Variants in AFF3 observed in about 807,000 individuals in gnomAD.
AFF3 encodes ALF transcription elongation factor 3.
Under a neutral mutation model 129.7 loss-of-function variants are expected in AFF3, and 32 were observed. The observed-to-expected ratio is 0.25, with a 90% CI of 0.19 to 0.33. The LOEUF is 0.33. Ranked by LOEUF, AFF3 falls within the 10% of genes least tolerant of loss-of-function variation. The pLI is 1.00. For missense variants in AFF3, 1,373 were observed against 1,592.0 expected, an observed-to-expected ratio of 0.86 and a Z score of 2.34; for synonymous variants, 644 against 635.4, an observed-to-expected ratio of 1.01 and a Z score of -0.20.
intron 4 of AFF3, among the ~76,000 whole-genome samples, chr2:100,067,171 CCA>C (rs1367181770): frequency 1.4e-5 from 2 of 142,800 alleles, no homozygotes; most frequent in African/African-American, 5.4e-5. Context: ...GTTCATGCTT[CCA>C]CATAGTTAAA....
chr2:99,623,423 T>C (rs953641439), intron 13 of AFF3, among the ~76,000 whole-genome samples: 1 of 152,210 alleles, frequency 6.6e-6, no homozygotes, highest in African/African-American at 2.4e-5. Context: ...GGAATACTCA[T>C]GCGGTGAGTG....
intron 20 of AFF3, 151 bp downstream of exon 20, chr2:99,565,336 G>T: frequency 9.1e-7 from 1 of 1,098,706 alleles, no homozygotes; most frequent in Non-Finnish European, 1.3e-6. Context: ...GTGCCAAGAC[G>T]CCTTGCACGA....
intron 8 of AFF3, among the ~76,000 whole-genome samples, chr2:99,783,506 G>C (rs1046951331): frequency 2.0e-5 from 3 of 152,238 alleles, no homozygotes; most frequent in Non-Finnish European, 2.9e-5. Context: ...AAGATGCCCT[G>C]TGAGAGCAGA....
At chr2:99,603,560 C>G (rs1680046469) in intron 13 of AFF3, among the ~76,000 whole-genome samples, 1 of 151,982 alleles carries the variant, frequency 6.6e-6, no homozygotes, top group South Asian at 2.1e-4. Context: ...CCATTCAGGA[C>G]ATATGAATGG....
At chr2:99,594,668 G>A (rs1483872405) in intron 14 of AFF3, among the ~76,000 whole-genome samples, 1 of 152,126 alleles carries the variant, frequency 6.6e-6, no homozygotes, top group Non-Finnish European at 1.5e-5. Context: ...ATTGTTTAGA[G>A]GCCCTGAGCA....
At chr2:100,015,938 ATGG>A (rs373721833) in intron 4 of AFF3, among the ~76,000 whole-genome samples, 25 of 151,360 alleles carry the variant, frequency 1.7e-4, no homozygotes, top group African/African-American at 2.7e-4. Context: ...GATGGTTATG[ATGG>A]TGGTGGTGGT....
At chr2:100,014,440 A>T (rs1225239750) in intron 4 of AFF3, among the ~76,000 whole-genome samples, 3 of 152,166 alleles carry the variant, frequency 2.0e-5, no homozygotes, top group Non-Finnish European at 4.4e-5. Context: ...TCTGAATACC[A>T]CTGTGTCAGA....
intron 8 of AFF3, among the ~76,000 whole-genome samples, chr2:99,835,076 T>C (rs10191077): frequency 0.89 from 135,522 of 152,112 alleles, 60,580 homozygotes; most frequent in African/African-American, 0.97. Context: ...ACCAGGATCT[T>C]CCCTAATGTT....
At chr2:99,996,624 C>T (rs1680863383) in intron 7 of AFF3, among the ~76,000 whole-genome samples, 1 of 151,256 alleles carries the variant, frequency 6.6e-6, no homozygotes, top group Non-Finnish European at 1.5e-5. Flanking sequence ...TTGTGATCCG[C>T]CCGCCTCAGC....
In AFF3 at chr2:99,578,210, G is replaced by A. The variant is rs1316166058; in HGVS notation, c.2918+117C>T. Reference sequence around the variant, plus strand: ...ACATTTAAATGACCAAGTCCCAGGGGAAAAAAAGGCCGCACTGTAGCTGAA... The same window carrying A: ...ACATTTAAATGACCAAGTCCCAGGGAAAAAAAAGGCCGCACTGTAGCTGAA... On this transcript the variant is annotated intron_variant, in intron 18 of 24. Coordinates refer to ENST00000672756, the MANE Select transcript of AFF3 (RefSeq NM_001386135.1). 5.0e-6 allele frequency: 7 copies of A among 1,387,938 alleles called. No homozygotes were observed. The East Asian group carries it at 1.8e-4, about 36-fold the overall frequency. 86.0% of individuals were successfully genotyped at this position (1,387,938 alleles called of 1,614,324 possible). A position where few individuals can be genotyped will look rare whatever the true frequency, so the allele number is the denominator to read the frequency against.
At chr2:99,813,992 T>G (rs1214759706) in intron 8 of AFF3, among the ~76,000 whole-genome samples, 1 of 151,984 alleles carries the variant, frequency 6.6e-6, no homozygotes, top group African/African-American at 2.4e-5. Context: ...AAAGAAGGGG[T>G]GTACCTAGGC....
chr2:99,774,707 CA>C (rs1683754681), intron 8 of AFF3, among the ~76,000 whole-genome samples: 1 of 152,012 alleles, frequency 6.6e-6, no homozygotes, highest in South Asian at 2.1e-4. Context: ...ACAAAGATGC[CA>C]AAAGCAATTG....
At chr2:99,676,821 C>A (rs533748004) in intron 11 of AFF3, among the ~76,000 whole-genome samples, 3 of 152,070 alleles carry the variant, frequency 2.0e-5, no homozygotes, top group African/African-American at 7.2e-5. Context: ...GGCTTTATGT[C>A]GACAGGACAG....
At chr2:99,937,061 C>T (rs567386649) in intron 7 of AFF3, among the ~76,000 whole-genome samples, 1 of 152,126 alleles carries the variant, frequency 6.6e-6, no homozygotes, top group Non-Finnish European at 1.5e-5. Flanking sequence ...GGAACAGGTC[C>T]ATCTGAAAAT....
At chr2:99,565,859 C>A (rs1675913050) in intron 19 of AFF3, among the ~76,000 whole-genome samples, 1 of 152,206 alleles carries the variant, frequency 6.6e-6, no homozygotes, top group South Asian at 2.1e-4. Flanking sequence ...CATGTGACAG[C>A]TGTCAATCAA....
intron 1 of AFF3, among the ~76,000 whole-genome samples, chr2:100,137,905 G>A (rs1425243772): frequency 1.3e-5 from 2 of 152,160 alleles, no homozygotes; most frequent in African/African-American, 4.8e-5. Context: ...AGGTCTTTAA[G>A]AGAATTCCTT....
At position 99,649,578 on chromosome 2, in the gene AFF3, C is replaced by G. The variant is rs750466592; in HGVS notation, c.1184+48G>C. 3 of 1,577,550 alleles carry G rather than the reference C, an allele frequency of 1.9e-6. No homozygotes were observed. The East Asian group carries it at 6.7e-5, about 35-fold the overall frequency. Reference sequence around the variant, plus strand: ...ATTATATGCCACAATAAATAGGGCTCAATGTTTCATAAAGCAATTTATAGT... The same window carrying G: ...ATTATATGCCACAATAAATAGGGCTGAATGTTTCATAAAGCAATTTATAGT... On this transcript the variant is annotated intron_variant, in intron 13 of 24. Transcript: ENST00000672756.
chr2:99,924,680 T>C (rs1052230117), intron 7 of AFF3, among the ~76,000 whole-genome samples: 1 of 152,202 alleles, frequency 6.6e-6, no homozygotes, highest in Admixed American at 6.5e-5. Flanking sequence ...GTCACATTAC[T>C]TATAAACTCA....
chr2:100,080,317 ATTGTAATT>A (rs1688947430), intron 4 of AFF3, among the ~76,000 whole-genome samples: 1 of 152,198 alleles, frequency 6.6e-6, no homozygotes, highest in Non-Finnish European at 1.5e-5. Context: ...TTAGATGTTT[ATTGTAATT>A]TTGTTTAGCT....
Sources: allele counts gnomAD v4.1 joint callset (sites outside exome capture counted in the v4.1 genomes callset), GRCh38; gene constraint gnomAD v4.1.1; transcripts MANE v1.5; gene names NCBI Gene and HGNC (gene_info 2026-07-23, HGNC 2026-07-21).